GALNT17: variants seen among roughly 807,000 people sequenced by gnomAD.
GALNT17 encodes UDP-GalNAc:polypeptide N-acetylgalactosaminyltransferase-like 3.
In GALNT17, 29 loss-of-function variants were observed where a neutral mutation model predicts 63.7. That is an observed-to-expected ratio of 0.46 (90% CI 0.34 to 0.62). The LOEUF (loss-of-function observed/expected upper bound fraction) is 0.62. GALNT17 is among the 20% of genes least tolerant of loss of function. The pLI is 0.01. For synonymous variants in GALNT17, 305 were observed against 318.3 expected (o/e 0.96, Z 0.45); for missense variants, 603 against 799.6 (o/e 0.75, Z 2.97).
intron 5 of GALNT17, among the ~76,000 whole-genome samples, chr7:71,527,602 A>G (rs929896584): frequency 6.6e-6 from 1 of 152,216 alleles, no homozygotes; most frequent in Non-Finnish European, 1.5e-5. Context: ...CACTGTGCTC[A>G]TTTCAGAGTT....
At chr7:71,196,682 A>G (rs1361224961) in intron 1 of GALNT17, among the ~76,000 whole-genome samples, 1 of 152,098 alleles carries the variant, frequency 6.6e-6, no homozygotes, top group Non-Finnish European at 1.5e-5. Flanking sequence ...TCTGTCGCCC[A>G]GGTTGGAGTG....
At chr7:71,600,244 GA>G (rs1199253967) in intron 6 of GALNT17, among the ~76,000 whole-genome samples, 2 of 136,972 alleles carry the variant, frequency 1.5e-5, no homozygotes, top group East Asian at 3.9e-4. Flanking sequence ...GGCAATTAGG[GA>G]AGGAAAAAAA....
At chr7:71,451,756 G>A (rs1049921109) in intron 5 of GALNT17, among the ~76,000 whole-genome samples, 46 of 152,198 alleles carry the variant, frequency 3.0e-4, no homozygotes, top group African/African-American at 9.4e-4. Flanking sequence ...AGTTGTCACT[G>A]TTTTCTAGAT....
intron 1 of GALNT17, among the ~76,000 whole-genome samples, chr7:71,222,065 G>A (rs899304102): frequency 6.6e-6 from 1 of 151,820 alleles, no homozygotes; most frequent in Admixed American, 6.6e-5. Context: ...CCGGCACCAC[G>A]CCCGGCTAAT....
intron 9 of GALNT17, among the ~76,000 whole-genome samples, chr7:71,701,745 ATATATATGTATATATATGTG>A (rs1209805864): frequency 2.2e-4 from 4 of 18,260 alleles, no homozygotes; most frequent in East Asian, 0.016. Flanking sequence ...ATATATGTGT[ATATATATGTATATATATGTG>A]TATATATATG....
chr7:71,597,845 A>G (rs934206676), intron 6 of GALNT17, among the ~76,000 whole-genome samples: 3 of 152,058 alleles, frequency 2.0e-5, no homozygotes, highest in Admixed American at 2.0e-4. Context: ...GTCTGCCCCA[A>G]GTTCTTCTCA....
chr7:71,582,611 A>C (rs532405234), intron 6 of GALNT17, among the ~76,000 whole-genome samples: 3 of 152,182 alleles, frequency 2.0e-5, no homozygotes, highest in African/African-American at 7.2e-5. Context: ...TGTGGTATAT[A>C]TATACAATGG....
rs1044403035 is a variant in GALNT17 at position 71,370,254 on chromosome 7, G to A, written c.423-17981G>A. Reference sequence around the variant, plus strand: ...TTTAAGTCTCTCATGCTTCTTCAGAGCCACCTGTTCACCAACAGAGGAAAG... The same window carrying A: ...TTTAAGTCTCTCATGCTTCTTCAGAACCACCTGTTCACCAACAGAGGAAAG... On this transcript the variant is annotated intron_variant, in intron 2 of 10. Transcript: ENST00000333538. 2.6e-5 allele frequency among the ~76,000 whole-genome samples: 4 copies of A among 152,184 alleles called. No homozygotes were observed. In the East Asian group the frequency reaches 7.7e-4, roughly 29 times the overall value.
At chr7:71,552,276 C>T (rs952524911) in intron 5 of GALNT17, among the ~76,000 whole-genome samples, 1 of 151,922 alleles carries the variant, frequency 6.6e-6, no homozygotes, top group African/African-American at 2.4e-5. Flanking sequence ...AACTCCTGGC[C>T]TCAAACAATC....
intron 5 of GALNT17, among the ~76,000 whole-genome samples, chr7:71,425,206 A>C (rs1396210120): frequency 6.6e-6 from 1 of 151,706 alleles, no homozygotes; most frequent in Non-Finnish European, 1.5e-5. Context: ...TGGTGGTGCC[A>C]GTGTGGTCAG....
At chr7:71,435,192 G>A (rs138211561) in intron 5 of GALNT17, among the ~76,000 whole-genome samples, 13 of 152,234 alleles carry the variant, frequency 8.5e-5, no homozygotes, top group East Asian at 1.9e-4. Context: ...GATGGATGTG[G>A]TGGTGCGTGC....
chr7:71,502,577 C>T (rs1243687227), intron 5 of GALNT17, among the ~76,000 whole-genome samples: 4 of 152,174 alleles, frequency 2.6e-5, no homozygotes, highest in Non-Finnish European at 5.9e-5. Flanking sequence ...TCAAAGCCAC[C>T]ATGCTGGGAA....
intron 3 of GALNT17, among the ~76,000 whole-genome samples, chr7:71,391,546 G>C (rs778577272): frequency 2.0e-5 from 3 of 152,086 alleles, no homozygotes; most frequent in Non-Finnish European, 4.4e-5. Context: ...GCGGTGGTGC[G>C]ATCACAGCTT....
At position 71,508,496 on chromosome 7, in the gene GALNT17, C is replaced by T. The variant is rs542571736; in HGVS notation, c.963-62789C>T. ...ACAGTGAGAGCATTTGCCTGCCTTTCTGCCTCCTTGGAAGCTAGAGCAGTC... is the reference window on the plus strand; with the variant it reads ...ACAGTGAGAGCATTTGCCTGCCTTTTTGCCTCCTTGGAAGCTAGAGCAGTC... On this transcript the variant is annotated intron_variant, in intron 5 of 10. Coordinates refer to ENST00000333538, the MANE Select transcript of GALNT17 (RefSeq NM_022479.3). Among the ~76,000 whole-genome samples, 2 of 152,268 alleles carry T rather than the reference C, an allele frequency of 1.3e-5. 1 individual carries two copies. The highest frequency in any genetic ancestry group is 4.2e-4 in the South Asian group (2 of 4,818).
At chr7:71,150,731 C>G (rs1265792076) in intron 1 of GALNT17, among the ~76,000 whole-genome samples, 1 of 151,758 alleles carries the variant, frequency 6.6e-6, no homozygotes, top group Non-Finnish European at 1.5e-5. Flanking sequence ...AGGATGGTCT[C>G]GATCTCCTGA....
At chr7:71,242,664 G>A (rs1790021189) in intron 1 of GALNT17, among the ~76,000 whole-genome samples, 1 of 152,132 alleles carries the variant, frequency 6.6e-6, no homozygotes, top group African/African-American at 2.4e-5. Flanking sequence ...GTAGTTTTGA[G>A]TCAACTTGGA....
At chr7:71,231,153 A>G (rs751471289) in intron 1 of GALNT17, among the ~76,000 whole-genome samples, 5 of 151,988 alleles carry the variant, frequency 3.3e-5, no homozygotes, top group Admixed American at 6.5e-5. Context: ...CACTTTCCCC[A>G]TTAGTAATAA....
In GALNT17 at chr7:71,320,807, GC is replaced by G. The variant is rs1434202183; in HGVS notation, c.239-14741del. Among the ~76,000 whole-genome samples, 4 of 152,092 alleles carry G rather than the reference GC, an allele frequency of 2.6e-5. 1 individual carries two copies. The Middle Eastern group carries it at 9.5e-3, about 361-fold the overall frequency. On this transcript the variant is annotated intron_variant, in intron 1 of 10. Transcript: ENST00000333538. The stretch of plus-strand genomic sequence containing the variant: ...TATTAGGGTGATCCGTTTTTGTTCT[GC>G]CTTACTCTTCCTTATCCTTCTGATT...
chr7:71,583,915 G>A (rs1789676441), intron 6 of GALNT17, among the ~76,000 whole-genome samples: 1 of 151,954 alleles, frequency 6.6e-6, no homozygotes, highest in Non-Finnish European at 1.5e-5. Context: ...ACGAGGTCAG[G>A]AGATGGAGAC....
Sources: gnomAD v4.1 joint callset for allele counts (sites outside exome capture counted in the v4.1 genomes callset) on GRCh38, gnomAD v4.1.1 for gene constraint, MANE v1.5 for transcripts, NCBI Gene and HGNC (gene_info 2026-07-23, HGNC 2026-07-21) for gene names.